The following TOX variants were observed in gnomAD, a reference collection of about 807,000 sequenced individuals.
TOX encodes the protein thymocyte selection associated high mobility group box, also known as thymocyte selection-associated high mobility group box protein TOX.
TOX carries 11 observed loss-of-function variants against 53.7 expected under a neutral mutation model. That is an observed-to-expected ratio of 0.20 (90% CI 0.13 to 0.34). The LOEUF (loss-of-function observed/expected upper bound fraction) is 0.34, where lower values mean the gene tolerates loss of function less well. TOX is among the 10% of genes least tolerant of loss of function. The pLI is 1.00. For synonymous variants in TOX, 225 were observed against 245.3 expected (o/e 0.92, Z 0.77); for missense variants, 570 against 664.6 (o/e 0.86, Z 1.56).
At chr8:58,892,313 A>G (rs1008687913) in intron 3 of TOX, among the ~76,000 whole-genome samples, 2 of 152,194 alleles carry the variant, frequency 1.3e-5, no homozygotes, top group Non-Finnish European at 2.9e-5. Context: ...AGAAAGAGAG[A>G]GAGAGAGAGA....
chr8:58,948,714 T>C (rs77726102), intron 2 of TOX, among the ~76,000 whole-genome samples: 17,511 of 152,180 alleles, frequency 0.12, 1,314 homozygotes, highest in Non-Finnish European at 0.16. Context: ...CAATCTATTT[T>C]TTTTAGTCAT....
intron 1 of TOX, among the ~76,000 whole-genome samples, chr8:59,054,847 G>GA (rs1040988744): frequency 1.0e-5 from 1 of 100,080 alleles, no homozygotes; most frequent in Non-Finnish European, 2.2e-5. Flanking sequence ...AAGAAAGAAA[G>GA]AAAAAAAGAG....
At chr8:58,883,725 GT>G (rs544934871) in intron 3 of TOX, among the ~76,000 whole-genome samples, 202 of 148,500 alleles carry the variant, frequency 1.4e-3, no homozygotes, top group Middle Eastern at 6.9e-3. Flanking sequence ...TCATTCGTAT[GT>G]TTTTTTTTTA....
chr8:59,048,060 C>CA (rs1803721700), intron 1 of TOX, among the ~76,000 whole-genome samples: 1 of 152,008 alleles, frequency 6.6e-6, no homozygotes. Context: ...AATCACTTTA[C>CA]AAAAAAACAA....
intron 3 of TOX, among the ~76,000 whole-genome samples, chr8:58,862,045 G>A (rs936203064): frequency 6.6e-6 from 1 of 152,026 alleles, no homozygotes; most frequent in Non-Finnish European, 1.5e-5. Context: ...TTGAAGAAAA[G>A]TACAATTTTT....
At chr8:59,105,869 C>T (rs1251475879) in intron 1 of TOX, among the ~76,000 whole-genome samples, 1 of 152,054 alleles carries the variant, frequency 6.6e-6, no homozygotes, top group Non-Finnish European at 1.5e-5. Flanking sequence ...CCTGTTTTTA[C>T]ATTATTAAGT....
chr8:59,042,734 A>C (rs1028165447), intron 1 of TOX, among the ~76,000 whole-genome samples: 6 of 152,228 alleles, frequency 3.9e-5, no homozygotes, highest in African/African-American at 1.4e-4. Flanking sequence ...ATTTTTAAGT[A>C]AATATTGTAT....
At chr8:58,859,465 T>C (rs969718188) in intron 3 of TOX, among the ~76,000 whole-genome samples, 8 of 152,220 alleles carry the variant, frequency 5.3e-5, no homozygotes, top group Non-Finnish European at 1.0e-4. Context: ...CAAGTAGGGT[T>C]CAGCTTTCTT....
rs548431105 is a variant in TOX at position 58,880,184 on chromosome 8, T to A, written c.412-28379A>T. On this transcript the variant is annotated intron_variant, in intron 3 of 8. Transcript: ENST00000361421. The stretch of plus-strand genomic sequence containing the variant: ...CTTGAGGGTGGAGGAAAGTCAGTAG[T>A]GTGCAAGTTGGTCCTATCTGCCTGG... Among the ~76,000 whole-genome samples, 3 of 152,212 alleles carry A rather than the reference T, an allele frequency of 2.0e-5. No homozygotes were observed. The East Asian group carries it at 5.8e-4, about 29-fold the overall frequency.
chr8:59,107,537 A>G (rs953810348), intron 1 of TOX, among the ~76,000 whole-genome samples: 1 of 152,174 alleles, frequency 6.6e-6, no homozygotes, highest in Non-Finnish European at 1.5e-5. Flanking sequence ...CTTACTTATC[A>G]TGCTCTGTAA....
Position 58,980,788 on chromosome 8 carries a change from T to C in TOX, c.103-20780A>G, listed in dbSNP as rs114315163. On this transcript the variant is annotated intron_variant, in intron 1 of 8. Transcript: ENST00000361421. The stretch of plus-strand genomic sequence containing the variant: ...TTCTAAATAAAACTTAAACCTTTTT[T>C]GAAGGTGTTTCCACCTTTCCAGTGT... Among the ~76,000 whole-genome samples the C allele has an allele frequency of 8.6e-3, 1,313 of 152,342 alleles. 19 individuals carry two copies. The highest frequency in any genetic ancestry group is 0.029 in the African/African-American group (1,225 of 41,572).
intron 3 of TOX, among the ~76,000 whole-genome samples, chr8:58,930,074 G>A (rs1301471867): frequency 6.6e-6 from 1 of 152,044 alleles, no homozygotes; most frequent in African/African-American, 2.4e-5. Flanking sequence ...CTATGTTTAG[G>A]GCTCAAATTC....
chr8:59,007,437 C>T lies in TOX; in HGVS notation c.103-47429G>A, dbSNP rs534342932. On this transcript the variant is annotated intron_variant, in intron 1 of 8. Coordinates refer to ENST00000361421, the MANE Select transcript of TOX (RefSeq NM_014729.3). ...CAATGTGTGTAACTTTCACTAGTTA[C>T]TGGAGTTTAAGAACAGTATATCTAA... is the stretch of plus-strand genomic sequence containing the variant. 5.9e-5 allele frequency among the ~76,000 whole-genome samples: 9 copies of T among 152,128 alleles called. No homozygotes were observed. In the South Asian group the frequency reaches 1.9e-3, roughly 32 times the overall value.
chr8:59,077,150 C>T (rs1459495204), intron 1 of TOX, among the ~76,000 whole-genome samples: 1 of 152,206 alleles, frequency 6.6e-6, no homozygotes, highest in African/African-American at 2.4e-5. Context: ...CTGGGATGAA[C>T]ATCTTTGAGG....
At chr8:58,900,030 T>C (rs2129172700) in intron 3 of TOX, among the ~76,000 whole-genome samples, 1 of 152,286 alleles carries the variant, frequency 6.6e-6, no homozygotes, top group African/African-American at 2.4e-5. Flanking sequence ...GATGGTCCTT[T>C]TGTTGCTATC....
chr8:58,920,749 G>GAAAA (rs67652722), intron 3 of TOX, among the ~76,000 whole-genome samples: 83 of 110,680 alleles, frequency 7.5e-4, no homozygotes, highest in South Asian at 1.2e-3. Flanking sequence ...AAAAAAAGAA[G>GAAAA]AAAAAAAAAA....
chr8:58,986,829 C>G (rs1016143598), intron 1 of TOX, among the ~76,000 whole-genome samples: 1 of 151,962 alleles, frequency 6.6e-6, no homozygotes, highest in African/African-American at 2.4e-5. Flanking sequence ...AGTACAGAGA[C>G]AAAGGACACA....
At chr8:59,022,396 C>T (rs947084248) in intron 1 of TOX, among the ~76,000 whole-genome samples, 4 of 152,138 alleles carry the variant, frequency 2.6e-5, no homozygotes, top group Admixed American at 1.3e-4. Flanking sequence ...GTCATTTAAA[C>T]CACACAACTC....
chr8:58,860,163 C>T (rs1272745644), intron 3 of TOX, among the ~76,000 whole-genome samples: 2 of 152,224 alleles, frequency 1.3e-5, no homozygotes, highest in African/African-American at 2.4e-5. Context: ...TGGAGGCAAC[C>T]CTGTTCATGA....
Sources: gnomAD v4.1 joint callset for allele counts (sites outside exome capture counted in the v4.1 genomes callset) on GRCh38, gnomAD v4.1.1 for gene constraint, MANE v1.5 for transcripts, NCBI Gene and HGNC (gene_info 2026-07-23, HGNC 2026-07-21) for gene names.